PARD3B: variants seen among roughly 807,000 people sequenced by gnomAD.
PARD3B encodes partitioning defective 3 homolog B.
A neutral mutation model predicts 130.2 loss-of-function variants in PARD3B; 103 were observed. The ratio of observed to expected loss-of-function variants is 0.79; its 90% CI spans 0.67 to 0.93. The LOEUF is 0.93. PARD3B is among the 40% of genes least tolerant of loss of function. PARD3B has a pLI of 0.00. For missense variants in PARD3B, 1,609 were observed against 1,499.2 expected (o/e 1.07, Z -1.21); for synonymous variants, 583 against 553.2 (o/e 1.05, Z -0.76).
At position 204,799,686 on chromosome 2, in the gene PARD3B, T is replaced by G. The variant is rs1019047780; in HGVS notation, c.222+113404T>G. 7.9e-5 allele frequency among the ~76,000 whole-genome samples: 12 copies of G among 152,296 alleles called. No homozygotes were observed. Among genetic ancestry groups the G allele is most frequent in the Middle Eastern group, 3.4e-3 (1 of 294 alleles). The stretch of plus-strand genomic sequence containing the variant: ...AGCACAGAGAAAGACTGACTCTTTT[T>G]GGGGGCAAAGTGAGGGAAGAGAACA... On this transcript the variant is annotated intron_variant, in intron 2 of 22. Transcript: ENST00000406610. This position sits in a 1 kb window ranked among gnomAD's most constrained non-coding sequence, Gnocchi z 4.1.
intron 20 of PARD3B, among the ~76,000 whole-genome samples, chr2:205,481,949 A>G (rs544413613): frequency 2.7e-4 from 41 of 152,210 alleles, no homozygotes; most frequent in Admixed American, 5.2e-4. Context: ...ACATTGGCTC[A>G]TTTCAAGTTC....
At chr2:205,227,154 C>T (rs1463844516) in intron 15 of PARD3B, among the ~76,000 whole-genome samples, 1 of 152,012 alleles carries the variant, frequency 6.6e-6, no homozygotes, top group African/African-American at 2.4e-5. Context: ...GTGTATTCTG[C>T]AGCCATTGTG....
intron 2 of PARD3B, among the ~76,000 whole-genome samples, chr2:204,840,688 G>C (rs148563395): frequency 6.6e-6 from 1 of 152,036 alleles, no homozygotes; most frequent in Non-Finnish European, 1.5e-5. Flanking sequence ...TGATAAGTAC[G>C]GTAGTGTCAT....
chr2:205,198,943 T>C (rs1008083353), intron 15 of PARD3B, among the ~76,000 whole-genome samples: 4 of 152,068 alleles, frequency 2.6e-5, no homozygotes, highest in Admixed American at 1.3e-4. Flanking sequence ...AAAAGCTGAA[T>C]TGGATATTAC....
chr2:205,281,921 C>T lies in PARD3B; in HGVS notation c.2186-18609C>T, dbSNP rs955336849. On this transcript the variant is annotated intron_variant, in intron 16 of 22. Coordinates refer to ENST00000406610, the MANE Select transcript of PARD3B (RefSeq NM_001302769.2). The surrounding 1 kb of genome is among the most constrained non-coding windows in gnomAD (Gnocchi z 4.2). ...GAAACTAATTCTACTTGTGTGTCTT[C>T]CTGGTTTTAACTTACACACATCAGT... is the stretch of plus-strand genomic sequence containing the variant. Among the ~76,000 whole-genome samples, 2 of 152,162 alleles carry T rather than the reference C, an allele frequency of 1.3e-5. No individual in the cohort carries two copies. The highest frequency in any genetic ancestry group is 6.5e-5 in the Admixed American group (1 of 15,278).
intron 21 of PARD3B, among the ~76,000 whole-genome samples, chr2:205,514,974 C>T (rs1034711036): frequency 2.6e-5 from 4 of 151,678 alleles, no homozygotes; most frequent in African/African-American, 4.8e-5. Context: ...ACCTTTTCTG[C>T]TCCTCTCCCT....
chr2:204,681,556 T>C (rs371155722), intron 1 of PARD3B, among the ~76,000 whole-genome samples: 28 of 152,322 alleles, frequency 1.8e-4, no homozygotes, highest in African/African-American at 6.7e-4. Context: ...TGGTTCATAA[T>C]AAACTGTATA....
chr2:204,549,033 G>A (rs1422408145), intron 1 of PARD3B, among the ~76,000 whole-genome samples: 3 of 152,184 alleles, frequency 2.0e-5, no homozygotes, highest in South Asian at 2.1e-4. Flanking sequence ...TCTATATTTC[G>A]TGGACAGCGT....
intron 1 of PARD3B, among the ~76,000 whole-genome samples, chr2:204,637,958 C>T (rs1205052737): frequency 2.0e-5 from 3 of 151,972 alleles, no homozygotes; most frequent in East Asian, 1.9e-4. Flanking sequence ...ATGGCAAAGT[C>T]GTTCTGAGAT....
chr2:205,455,204 T>G (rs1575066826), intron 20 of PARD3B, among the ~76,000 whole-genome samples: 1 of 152,160 alleles, frequency 6.6e-6, no homozygotes, highest in Non-Finnish European at 1.5e-5. Context: ...AGTTTCCACA[T>G]CTGTAAAATG....
At position 204,623,056 on chromosome 2, in the gene PARD3B, T is replaced by C. The variant is rs1315306454; in HGVS notation, c.121-63125T>C. Reference sequence around the variant, plus strand: ...ATAAATTGGATCTTGAATTCTGAATTACTAGAATAAAGATTAGTGAGCATT... The same window carrying C: ...ATAAATTGGATCTTGAATTCTGAATCACTAGAATAAAGATTAGTGAGCATT... On this transcript the variant is annotated intron_variant, in intron 1 of 22. Coordinates refer to ENST00000406610, the MANE Select transcript of PARD3B (RefSeq NM_001302769.2). The surrounding 1 kb of genome is among the most constrained non-coding windows in gnomAD (Gnocchi z 4.5). 6.6e-6 allele frequency among the ~76,000 whole-genome samples: 1 copy of C among 152,154 alleles called. No homozygotes were observed. Among genetic ancestry groups the C allele is most frequent in the Admixed American group, 6.5e-5 (1 of 15,270 alleles).
intron 15 of PARD3B, among the ~76,000 whole-genome samples, chr2:205,204,738 TG>T (rs1437798320): frequency 6.6e-6 from 1 of 152,216 alleles, no homozygotes; most frequent in Non-Finnish European, 1.5e-5. Context: ...TTGTCAGGTC[TG>T]TCATAGATCA....
rs183326118 is a variant in PARD3B, at chr2:205,490,937, G to A, written c.3045-8959G>A. ...TGAGAAGTGTCTGTTCATATCCTTC[G>A]CCCACTTTTTGATGGGGTTGTTTTT... On this transcript the variant is annotated intron_variant, in intron 20 of 22. Transcript: ENST00000406610. Among the ~76,000 whole-genome samples, 685 of 152,192 alleles carry A rather than the reference G, an allele frequency of 4.5e-3. 9 individuals carry two copies. Among genetic ancestry groups the A allele is most frequent in the Non-Finnish European group, 4.9e-3 (336 of 68,016 alleles).
intron 1 of PARD3B, among the ~76,000 whole-genome samples, chr2:204,625,767 A>C (rs189877548): frequency 6.6e-6 from 1 of 152,204 alleles, no homozygotes; most frequent in South Asian, 2.1e-4. Context: ...TTTAAAATCT[A>C]TGAAACGCTC....
At chr2:205,586,343 T>C (rs1161894057) in intron 22 of PARD3B, among the ~76,000 whole-genome samples, 1 of 152,244 alleles carries the variant, frequency 6.6e-6, no homozygotes, top group Admixed American at 6.5e-5. Flanking sequence ...TCATTTTGAC[T>C]GGACTGCAGC....
intron 16 of PARD3B, among the ~76,000 whole-genome samples, chr2:205,267,363 A>T (rs1244479085): frequency 7.0e-6 from 1 of 142,044 alleles, no homozygotes; most frequent in Non-Finnish European, 1.6e-5. Context: ...AAACTTACAC[A>T]TGGGAAACAA....
intron 2 of PARD3B, among the ~76,000 whole-genome samples, chr2:204,718,850 C>T (rs1675774172): frequency 6.6e-6 from 1 of 152,166 alleles, no homozygotes; most frequent in South Asian, 2.1e-4. Flanking sequence ...AGTCACATGA[C>T]ATGTAACCCT....
chr2:204,860,987 TA>T (rs1320643875), intron 2 of PARD3B, among the ~76,000 whole-genome samples: 7 of 152,178 alleles, frequency 4.6e-5, no homozygotes, highest in Non-Finnish European at 7.4e-5. Context: ...ATGCTATACA[TA>T]ATTGAATCAC....
intron 18 of PARD3B, among the ~76,000 whole-genome samples, chr2:205,347,087 T>C (rs2043822579): frequency 6.6e-6 from 1 of 152,232 alleles, no homozygotes; most frequent in Non-Finnish European, 1.5e-5. Context: ...CTTCTCCAAA[T>C]TGGTCAAAGT....
Sources: allele counts gnomAD v4.1 joint callset (sites outside exome capture counted in the v4.1 genomes callset), GRCh38; gene constraint gnomAD v4.1.1; non-coding constraint Gnocchi (gnomAD v3.1); transcripts MANE v1.5; gene names NCBI Gene and HGNC (gene_info 2026-07-23, HGNC 2026-07-21).